Variants in RBFOX1 observed in about 807,000 individuals in gnomAD.
RBFOX1 encodes the protein RNA binding fox-1 homolog 1, also known as RNA binding protein fox-1 homolog 1.
In RBFOX1, 8 loss-of-function variants were observed where a neutral mutation model predicts 57.7. The ratio of observed to expected loss-of-function variants is 0.14; its 90% CI spans 0.08 to 0.25. The LOEUF is 0.25. Ranked by LOEUF, RBFOX1 falls within the 10% of genes least tolerant of loss-of-function variation. RBFOX1 has a pLI of 1.00. For missense variants in RBFOX1, 611 were observed against 548.5 expected (o/e 1.11, Z -1.14); for synonymous variants, 326 against 222.4 (o/e 1.47, Z -4.15).
rs140351866 is a variant in RBFOX1 at position 5,888,300 on chromosome 16, A to T, written c.351+20965A>T. On this transcript the variant is annotated intron_variant, in intron 4 of 19. Coordinates refer to the RBFOX1 transcript ENST00000641259. ...CTCCAGTTGCCTCCCCTCATTATCC[A>T]TCCCAAAGTGAGCATCTTCCTTTAT... Among the ~76,000 whole-genome samples the T allele has an allele frequency of 4.6e-5, 7 of 152,166 alleles. No individual in the cohort carries two copies. In the East Asian group the frequency reaches 1.4e-3, roughly 29 times the overall value.
At chr16:6,018,741 A>G (rs927692229), upstream of RBFOX1, among the ~76,000 whole-genome samples, 6 of 152,156 alleles carry the variant, frequency 3.9e-5, no homozygotes, top group Non-Finnish European at 5.9e-5. Flanking sequence ...TGGCGTCTCT[A>G]GTGGGGGATT....
rs1345184227 is a variant in RBFOX1 at position 5,569,215 on chromosome 16, G to A, written c.259-29687G>A. On this transcript the variant is annotated intron_variant, in intron 2 of 2. Transcript: ENST00000585867. ...TCTCTCCTAAAGTCAGGGCATTGGTGGAGCCGGGTAAAATGTCTCCAAGGG... is the reference window on the plus strand; with the variant it reads ...TCTCTCCTAAAGTCAGGGCATTGGTAGAGCCGGGTAAAATGTCTCCAAGGG... Among the ~76,000 whole-genome samples the A allele has an allele frequency of 3.9e-5, 6 of 152,118 alleles. No individual in the cohort carries two copies. In the East Asian group the frequency reaches 1.2e-3, roughly 30 times the overall value.
chr16:7,442,662 C>T (rs528342763), intron 4 of RBFOX1, among the ~76,000 whole-genome samples: 1 of 152,080 alleles, frequency 6.6e-6, no homozygotes, highest in African/African-American at 2.4e-5. Flanking sequence ...TATGAGAAAG[C>T]AAGCAGTAGA....
At chr16:6,775,429 G>A (rs2079159541) in intron 3 of RBFOX1, among the ~76,000 whole-genome samples, 1 of 150,166 alleles carries the variant, frequency 6.7e-6, no homozygotes, top group African/African-American at 2.5e-5. Flanking sequence ...TATGAAGAAA[G>A]GATTTTAACA....
intron 1 of RBFOX1, among the ~76,000 whole-genome samples, chr16:5,358,852 C>A (rs1277904822): frequency 6.6e-6 from 1 of 152,118 alleles, no homozygotes; most frequent in Non-Finnish European, 1.5e-5. Flanking sequence ...AAGTGCAATT[C>A]AGTCATATTG....
chr16:6,993,703 C>T (rs920644827), intron 3 of RBFOX1, among the ~76,000 whole-genome samples: 1 of 152,078 alleles, frequency 6.6e-6, no homozygotes, highest in Non-Finnish European at 1.5e-5. Flanking sequence ...AATGTTTCTC[C>T]CTCCAATCCA....
intron 3 of RBFOX1, among the ~76,000 whole-genome samples, chr16:6,932,459 A>C (rs756715555): frequency 6.6e-6 from 1 of 152,132 alleles, no homozygotes; most frequent in Non-Finnish European, 1.5e-5. Flanking sequence ...TGGCAGTTAC[A>C]TTTCAACCTT....
intron 7 of RBFOX1, among the ~76,000 whole-genome samples, chr16:7,591,476 C>T (rs758658820): frequency 3.3e-5 from 5 of 152,040 alleles, no homozygotes; most frequent in Non-Finnish European, 7.4e-5. Context: ...GAAAAAAGAA[C>T]AATAACTAGG....
At chr16:7,115,543 C>A (rs1022475116) in intron 4 of RBFOX1, among the ~76,000 whole-genome samples, 22 of 152,216 alleles carry the variant, frequency 1.4e-4, no homozygotes, top group African/African-American at 4.3e-4. Context: ...TTGAGGGGGA[C>A]CTTCACTGAG....
At chr16:6,978,366 AT>A (rs1448956087) in intron 3 of RBFOX1, among the ~76,000 whole-genome samples, 2 of 152,192 alleles carry the variant, frequency 1.3e-5, no homozygotes, top group Non-Finnish European at 2.9e-5. Flanking sequence ...ATTAGATCTA[AT>A]TACTCATACA....
At chr16:5,411,391 C>T (rs1205508652) in intron 1 of RBFOX1, among the ~76,000 whole-genome samples, 1 of 152,024 alleles carries the variant, frequency 6.6e-6, no homozygotes, top group Non-Finnish European at 1.5e-5. Context: ...GAGGAAGGGG[C>T]CATGAGCCAA....
chr16:7,451,312 G>T (rs1003078183), intron 4 of RBFOX1, among the ~76,000 whole-genome samples: 3 of 152,172 alleles, frequency 2.0e-5, no homozygotes, highest in African/African-American at 7.2e-5. Flanking sequence ...TTGAACGGAT[G>T]GTTCTTTCTT....
chr16:7,291,488 A>T (rs2095772676), intron 4 of RBFOX1, among the ~76,000 whole-genome samples: 1 of 152,188 alleles, frequency 6.6e-6, no homozygotes, highest in Admixed American at 6.5e-5. Context: ...GTTAAAAATG[A>T]TACAATTTGG....
intron 3 of RBFOX1, among the ~76,000 whole-genome samples, chr16:6,859,591 A>G (rs1287932885): frequency 6.6e-6 from 1 of 151,970 alleles, no homozygotes; most frequent in East Asian, 1.9e-4. Flanking sequence ...TTTGTAGAAA[A>G]TGCTTCAGAG....
At chr16:7,108,180 G>T (rs556729956) in intron 4 of RBFOX1, among the ~76,000 whole-genome samples, 1 of 152,106 alleles carries the variant, frequency 6.6e-6, no homozygotes, top group Non-Finnish European at 1.5e-5. Flanking sequence ...TTTAATCTCT[G>T]ATGGTTCAGA....
At chr16:5,461,952 C>T (rs371138342) in intron 1 of RBFOX1, among the ~76,000 whole-genome samples, 178 of 152,228 alleles carry the variant, frequency 1.2e-3, no homozygotes, top group African/African-American at 3.9e-3. Context: ...TATAGCTAGA[C>T]AGGGCAGATG....
intron 2 of RBFOX1, among the ~76,000 whole-genome samples, chr16:6,602,344 T>C (rs1232850382): frequency 6.6e-6 from 1 of 152,214 alleles, no homozygotes; most frequent in Non-Finnish European, 1.5e-5. Context: ...CGTATTCTTT[T>C]TCCTTTTTGT....
intron 2 of RBFOX1, among the ~76,000 whole-genome samples, chr16:6,327,507 G>A (rs901345795): frequency 2.6e-4 from 39 of 151,972 alleles, no homozygotes; most frequent in African/African-American, 5.6e-4. Context: ...CAGTCAGTTC[G>A]TTGTATTTTG....
intron 5 of RBFOX1, among the ~76,000 whole-genome samples, chr16:7,563,760 A>T (rs1440286252): frequency 2.0e-5 from 3 of 152,022 alleles, no homozygotes; most frequent in Non-Finnish European, 4.4e-5. Context: ...GAGCCACCGC[A>T]CCCACTCTAT....
Sources: allele counts gnomAD v4.1 joint callset (sites outside exome capture counted in the v4.1 genomes callset), GRCh38; gene constraint gnomAD v4.1.1; transcripts MANE v1.5; gene names NCBI Gene and HGNC (gene_info 2026-07-23, HGNC 2026-07-21).